The following BSPH1 variants were observed in gnomAD, a reference collection of about 807,000 sequenced individuals.
The protein encoded by BSPH1 is binder of sperm 1.
A neutral mutation model predicts 22.5 loss-of-function variants in BSPH1; 21 were observed. That is an observed-to-expected ratio of 0.93 (90% confidence interval 0.66 to 1.35). The LOEUF (loss-of-function observed/expected upper bound fraction) is 1.35, where lower values mean the gene tolerates loss of function less well. BSPH1 is among the 40% of genes most tolerant of loss of function. The pLI, the probability that BSPH1 is intolerant of heterozygous loss-of-function variation, is 0.00. For synonymous variants in BSPH1, 42 were observed against 53.6 expected (o/e 0.78, Z 0.95); for missense variants, 141 against 154.2 (o/e 0.91, Z 0.45).
Position 47,968,094 on chromosome 19 carries a change from A to G in BSPH1, c.*118T>C, listed in dbSNP as rs1336833109. ...TATTAAGAAAATTGGGGGTTACTGT[A>G]TATCAGACCATTCTGACCTGCTGAA... On this transcript the variant is annotated 3_prime_UTR_variant, in exon 6 of 6. Coordinates refer to ENST00000344839, the MANE Select transcript of BSPH1 (RefSeq NM_001128326.2). 1 of 152,228 alleles carries G rather than the reference A, an allele frequency of 6.6e-6. No individual in the cohort carries two copies. Among genetic ancestry groups the G allele is most frequent in the African/African-American group, 2.4e-5 (1 of 41,462 alleles). 9.4% of individuals were successfully genotyped at this position (152,228 alleles called of 1,614,324 possible).
intron 5 of BSPH1, among the ~76,000 whole-genome samples, chr19:47,973,234 A>AATG (rs1969328900): frequency 8.6e-6 from 1 of 116,882 alleles, no homozygotes; most frequent in Admixed American, 8.7e-5. Context: ...TAATAATAAT[A>AATG]ATAATAATAA....
intron 5 of BSPH1, among the ~76,000 whole-genome samples, chr19:47,972,907 T>C (rs973429282): frequency 1.4e-5 from 2 of 145,986 alleles, no homozygotes; most frequent in African/African-American, 5.1e-5. Flanking sequence ...CCAGATTTGG[T>C]AAATAAGTCT....
intron 5 of BSPH1, among the ~76,000 whole-genome samples, chr19:47,973,224 T>A (rs1172400525): frequency 1.9e-4 from 17 of 91,794 alleles, no homozygotes; most frequent in African/African-American, 6.8e-4. Context: ...CTCAAAATAA[T>A]AATAATAATA....
downstream of BSPH1, among the ~76,000 whole-genome samples, chr19:47,967,296 C>T (rs1198102848): frequency 2.6e-5 from 4 of 152,208 alleles, no homozygotes; most frequent in African/African-American, 7.2e-5. Flanking sequence ...AATTATGTTG[C>T]TGCAAAGGAT....
chr19:47,990,590 G>T (rs1366454284), intron 1 of BSPH1, among the ~76,000 whole-genome samples: 1 of 144,420 alleles, frequency 6.9e-6, no homozygotes, highest in Non-Finnish European at 1.5e-5. Context: ...TTTCTTTTCT[G>T]TTCTTTAAAA....
At chr19:47,989,694 CGCTTATTTGT>C (rs1969505114) in intron 1 of BSPH1, among the ~76,000 whole-genome samples, 1 of 152,038 alleles carries the variant, frequency 6.6e-6, no homozygotes, top group Non-Finnish European at 1.5e-5. Context: ...TCCCACCTTC[CGCTTATTTGT>C]GACGACATCT....
chr19:47,986,687 G>A (rs765748274), intron 1 of BSPH1, among the ~76,000 whole-genome samples: 3 of 151,960 alleles, frequency 2.0e-5, no homozygotes, highest in Non-Finnish European at 2.9e-5. Context: ...CAAGACTGCA[G>A]TGAGCCGTGA....
chr19:47,981,772 CTTTT>C, intron 1 of BSPH1: 1 of 828,256 alleles, frequency 1.2e-6, no homozygotes, highest in Non-Finnish European at 1.5e-6. Context: ...GATAGCTTTA[CTTTT>C]TTTTTTTCTT....
Position 47,969,567 on chromosome 19 carries a change from A to G in BSPH1, c.*3-1358T>C, listed in dbSNP as rs1041260394. The stretch of plus-strand genomic sequence containing the variant: ...ATTCAAATGGAGAAAAATGTAATAT[A>G]AGGATATATTATAAATGGTGAAAGG... On this transcript the variant is annotated intron_variant, in intron 5 of 5. Transcript: ENST00000344839. Among the ~76,000 whole-genome samples, 9 of 152,198 alleles carry G rather than the reference A, an allele frequency of 5.9e-5. No homozygotes were observed. In the East Asian group the frequency reaches 1.7e-3, roughly 29 times the overall value.
Position 47,991,950 on chromosome 19 carries a change from C to G in BSPH1, c.73+59G>C, listed in dbSNP as rs189709153. The stretch of plus-strand genomic sequence containing the variant: ...CCTTCTCCCTCCTTCCTTGCTCTCA[C>G]TCTGCTCCAAAGTTAAGCTATCTAC... On this transcript the variant is annotated intron_variant, in intron 1 of 5. Coordinates refer to ENST00000344839, the MANE Select transcript of BSPH1 (RefSeq NM_001128326.2). 2.2e-3 allele frequency: 2,623 copies of G among 1,167,876 alleles called. 7 individuals are homozygous for G. Among genetic ancestry groups the G allele is most frequent in the Non-Finnish European group, 2.8e-3 (2,279 of 800,486 alleles). The allele number at this position is 1,167,876 out of a possible 1,614,324, so 72.3% of individuals were successfully genotyped here. A position where few individuals can be genotyped will look rare whatever the true frequency, so the allele number is the denominator to read the frequency against.
chr19:47,967,473 G>A (rs1368637957), downstream of BSPH1, among the ~76,000 whole-genome samples: 1 of 152,166 alleles, frequency 6.6e-6, no homozygotes, highest in East Asian at 1.9e-4. Flanking sequence ...GTTCTGGAGG[G>A]TAGAAGTACA....
chr19:47,972,030 T>C (rs925118178), intron 5 of BSPH1, among the ~76,000 whole-genome samples: 4 of 152,244 alleles, frequency 2.6e-5, no homozygotes, highest in Non-Finnish European at 5.9e-5. Flanking sequence ...TTTTTCATAC[T>C]TGTTCATCTG....
At chr19:47,973,867 C>T (rs1286628105) in intron 5 of BSPH1, among the ~76,000 whole-genome samples, 4 of 152,198 alleles carry the variant, frequency 2.6e-5, no homozygotes, top group Non-Finnish European at 5.9e-5. Context: ...TGTTTGTTCA[C>T]TTCTGGCTCC....
At chr19:47,976,940 C>A in intron 4 of BSPH1, 86 bp from the exon 5 acceptor site, 1 of 1,251,838 alleles carries the variant, frequency 8.0e-7, no homozygotes, top group Non-Finnish European at 1.1e-6. Flanking sequence ...CACATGCACA[C>A]ATATGCACAC....
In BSPH1 at chr19:47,981,653, A is replaced by T. The variant is rs73941418; in HGVS notation, c.74-712T>A. 3,875 of 593,690 alleles carry T rather than the reference A, an allele frequency of 6.5e-3. 107 individuals carry two copies. Among genetic ancestry groups the T allele is most frequent in the African/African-American group, 0.062 (3,094 of 49,752 alleles). 36.8% of individuals were successfully genotyped at this position (593,690 alleles called of 1,614,324 possible). A position where few individuals can be genotyped will look rare whatever the true frequency, so the allele number is the denominator to read the frequency against. ...CCTGGCACAGGCTCAACCACTTACC[A>T]ACCATCTGCCCTCAGTTTACTCTGC... On this transcript the variant is annotated intron_variant, in intron 1 of 5. Transcript: ENST00000344839.
At chr19:47,979,117 C>T (rs1217631719) in intron 3 of BSPH1, among the ~76,000 whole-genome samples, 2 of 152,046 alleles carry the variant, frequency 1.3e-5, no homozygotes. Context: ...CTTTTCTTCT[C>T]TCCTCTTCCT....
intron 1 of BSPH1, among the ~76,000 whole-genome samples, chr19:47,987,828 C>G (rs186329730): frequency 3.3e-5 from 5 of 151,948 alleles, no homozygotes; most frequent in Admixed American, 3.3e-4. Flanking sequence ...CTTATCTCTA[C>G]CAAAATTACA....
intron 1 of BSPH1, among the ~76,000 whole-genome samples, chr19:47,981,515 A>G (rs1969419641): frequency 6.6e-6 from 1 of 152,218 alleles, no homozygotes; most frequent in South Asian, 2.1e-4. Flanking sequence ...CCATCATCTT[A>G]GAGATAAAGT....
intron 5 of BSPH1, among the ~76,000 whole-genome samples, chr19:47,976,178 GTCTC>G (rs746029798): frequency 5.4e-4 from 77 of 143,322 alleles, no homozygotes; most frequent in Non-Finnish European, 9.9e-4. Context: ...TTAGAGGTGG[GTCTC>G]TCTTTCATCA....
Sources: gnomAD v4.1 joint callset for allele counts (sites outside exome capture counted in the v4.1 genomes callset) on GRCh38, gnomAD v4.1.1 for gene constraint, MANE v1.5 for transcripts, NCBI Gene and HGNC (gene_info 2026-07-23, HGNC 2026-07-21) for gene names.